COPG1: variants seen among roughly 807,000 people sequenced by gnomAD.
COPG1 encodes the protein coatomer subunit gamma-1.
COPG1 carries 29 observed loss-of-function variants against 102.8 expected under a neutral mutation model. That is an observed-to-expected ratio of 0.28 (90% confidence interval 0.21 to 0.38). COPG1 has a LOEUF of 0.38. COPG1 is among the 10% of genes least tolerant of loss of function. COPG1 has a pLI of 1.00. For missense variants in COPG1, 875 were observed against 1,132.7 expected (o/e 0.77, Z 3.27); for synonymous variants, 406 against 421.6 (o/e 0.96, Z 0.45).
At chr3:129,277,271 T>C in intron 23 of COPG1, 23 bp from the exon 24 acceptor site, 1 of 1,613,120 alleles carries the variant, frequency 6.2e-7, no homozygotes, top group Non-Finnish European at 8.5e-7. Flanking sequence ...TGTATATATC[T>C]GTACTTCTCT....
chr3:129,273,745 G>A (rs1414679178), intron 21 of COPG1, among the ~76,000 whole-genome samples: 1 of 152,210 alleles, frequency 6.6e-6, no homozygotes. Flanking sequence ...CCTAGAAGGA[G>A]AATAGTTGGG....
chr3:129,267,614 C>T (rs1456837541), intron 15 of COPG1, among the ~76,000 whole-genome samples: 6 of 151,464 alleles, frequency 4.0e-5, no homozygotes, highest in African/African-American at 1.5e-4. Flanking sequence ...AGCGAGACTC[C>T]AGCTCAAAAA....
intron 13 of COPG1, among the ~76,000 whole-genome samples, chr3:129,264,454 A>G (rs554884904): frequency 1.3e-5 from 2 of 152,338 alleles, no homozygotes; most frequent in African/African-American, 2.4e-5. Context: ...CTTAGGAGCA[A>G]TAGCAGATGT....
In COPG1 at chr3:129,277,401, A is replaced by G. The variant is rs970761598; in HGVS notation, c.2602A>G (p.Ile868Val). ...AAGTTTGGAGGAGCTGCCAGTAGAC[A>G]TCATCTTGGCATCTGTGGGATAAGA... ...ARSLEELPVD[I>V]ILASVG is the part of the protein sequence containing the mutation. The change falls in exon 24 of 24, where the codon ATC becomes GTC. Residue 868 changes from isoleucine to valine, a missense_variant. Ile to Val is a conservative substitution (Grantham distance 29). Coordinates refer to ENST00000314797, the MANE Select transcript of COPG1 (RefSeq NM_016128.4). 1.9e-6 allele frequency: 3 copies of G among 1,613,940 alleles called. No homozygotes were observed. The highest frequency in any genetic ancestry group is 1.7e-4 in the Middle Eastern group (1 of 6,024).
intron 7 of COPG1, among the ~76,000 whole-genome samples, chr3:129,255,774 G>A (rs1428742113): frequency 1.3e-5 from 2 of 152,120 alleles, no homozygotes; most frequent in African/African-American, 2.4e-5. Flanking sequence ...GTGAGCCACC[G>A]CACCTGGCCA....
At chr3:129,254,789 G>C (rs1172473531) in intron 6 of COPG1, 46 bp downstream of exon 6, 5 of 1,535,304 alleles carry the variant, frequency 3.3e-6, no homozygotes, top group South Asian at 2.3e-5. Context: ...CTTGATTGAG[G>C]CCTCGGCATC....
rs75765157 is a variant in COPG1 at position 129,254,838 on chromosome 3, C to T, written c.399+95C>T. The stretch of plus-strand genomic sequence containing the variant: ...TTTGGGGTGTCCCCTATCACTGAGC[C>T]AGGTGATGTGGGGTGGAGGCAGTGT... On this transcript the variant is annotated intron_variant, in intron 6 of 23. Transcript: ENST00000314797. 6.6e-3 allele frequency: 8,425 copies of T among 1,276,080 alleles called. 386 individuals are homozygous for T. In the African/African-American group the frequency reaches 0.11, roughly 16 times the overall value. The allele number at this position is 1,276,080 out of a possible 1,614,324, so 79.0% of individuals were successfully genotyped here. A position where few individuals can be genotyped will look rare whatever the true frequency, so the allele number is the denominator to read the frequency against.
At chr3:129,268,156 C>T (rs1281655379) in intron 16 of COPG1, 116 bp downstream of exon 16, 3 of 871,666 alleles carry the variant, frequency 3.4e-6, no homozygotes, top group East Asian at 2.6e-5. Context: ...TGCCTGGCAA[C>T]CTCATGGCAT....
intron 19 of COPG1, 154 bp from the exon 20 acceptor site, chr3:129,272,090 C>T (rs958795329): frequency 2.0e-6 from 2 of 981,944 alleles, no homozygotes; most frequent in Admixed American, 2.6e-5. Flanking sequence ...CCATGGCTCC[C>T]GATTGTCAGC....
intron 5 of COPG1, chr3:129,253,196 C>G (rs1939735966): frequency 4.4e-6 from 2 of 454,968 alleles, no homozygotes; most frequent in South Asian, 5.0e-5. Context: ...TCAACCAAAC[C>G]AGCTTAGAAC....
intron 3 of COPG1, 90 bp downstream of exon 3, chr3:129,252,451 A>G: frequency 9.0e-7 from 1 of 1,105,000 alleles, no homozygotes; most frequent in Non-Finnish European, 1.4e-6. Flanking sequence ...GCTATTGGAC[A>G]GCCTCTGTGT....
chr3:129,262,056 T>C (rs1041108964), intron 12 of COPG1, among the ~76,000 whole-genome samples: 3 of 152,178 alleles, frequency 2.0e-5, no homozygotes, highest in Admixed American at 6.5e-5. Context: ...GGCAGCAGTC[T>C]ACTCTGCCTG....
chr3:129,274,609 T>C (rs1193086726), intron 21 of COPG1, among the ~76,000 whole-genome samples: 4 of 152,094 alleles, frequency 2.6e-5, no homozygotes, highest in South Asian at 2.1e-4. Flanking sequence ...AATTAGTAGA[T>C]TGGTACTTGG....
intron 10 of COPG1, 71 bp from the exon 11 acceptor site, chr3:129,260,262 C>T (rs1939899469): frequency 1.4e-5 from 20 of 1,399,914 alleles, no homozygotes; most frequent in Non-Finnish European, 2.0e-5. Flanking sequence ...TGAGTCAGAA[C>T]AGTAGCCCCC....
rs146473762 is a variant in COPG1 at position 129,258,315 on chromosome 3, G to A, written c.871+455G>A. On this transcript the variant is annotated intron_variant, in intron 10 of 23. Coordinates refer to ENST00000314797, the MANE Select transcript of COPG1 (RefSeq NM_016128.4). Reference sequence around the variant, plus strand: ...CCAACTGGGCAAGCCTGGCAAGGCCGCCCATCCTCTCCATGCCTTCCTTTT... The same window carrying A: ...CCAACTGGGCAAGCCTGGCAAGGCCACCCATCCTCTCCATGCCTTCCTTTT... Among the ~76,000 whole-genome samples, 494 of 152,326 alleles carry A rather than the reference G, an allele frequency of 3.2e-3. 2 individuals carry two copies. Among genetic ancestry groups the A allele is most frequent in the Middle Eastern group, 6.8e-3 (2 of 294 alleles).
At chr3:129,257,650 A>G (rs1460372551) in intron 9 of COPG1, 23 bp downstream of exon 9, 1 of 1,614,130 alleles carries the variant, frequency 6.2e-7, no homozygotes, top group Admixed American at 1.7e-5. Flanking sequence ...ATCTCTCACC[A>G]GCTAGATGAT....
chr3:129,269,259 C>T (rs950559380), intron 18 of COPG1, among the ~76,000 whole-genome samples: 1 of 152,084 alleles, frequency 6.6e-6, no homozygotes, highest in Non-Finnish European at 1.5e-5. Context: ...GTTACTGGGC[C>T]TCAATTTGGA....
At position 129,249,655 on chromosome 3, in the gene COPG1, C is replaced by G. The variant is rs1939648679; in HGVS notation, c.-55C>G. Reference sequence around the variant, plus strand: ...GTAGAACCACTGTGGCACCGCTACTCCGTGCCGCGCCCGTCGAGCATTGCG... The same window carrying G: ...GTAGAACCACTGTGGCACCGCTACTGCGTGCCGCGCCCGTCGAGCATTGCG... On this transcript the variant is annotated 5_prime_UTR_variant, in exon 1 of 24. Coordinates refer to ENST00000314797, the MANE Select transcript of COPG1 (RefSeq NM_016128.4). 7 of 1,546,576 alleles carry G rather than the reference C, an allele frequency of 4.5e-6. No individual in the cohort carries two copies. The highest frequency in any genetic ancestry group is 2.0e-5 in the Admixed American group (1 of 50,892).
In COPG1 at chr3:129,257,665, C is replaced by T. The variant is rs1247485507; in HGVS notation, c.737+38C>T. 4 of 1,613,908 alleles carry T rather than the reference C, an allele frequency of 2.5e-6. No homozygotes were observed. The African/African-American group carries it at 5.3e-5, about 22-fold the overall frequency. ...ATCTCTCACCAGCTAGATGATGCCT[C>T]ACTCATCCTACCATGCTGGGCCACC... On this transcript the variant is annotated intron_variant, in intron 9 of 23. Transcript: ENST00000314797.
Sources: allele counts gnomAD v4.1 joint callset (sites outside exome capture counted in the v4.1 genomes callset), GRCh38; gene constraint gnomAD v4.1.1; transcripts MANE v1.5; gene names NCBI Gene and HGNC (gene_info 2026-07-23, HGNC 2026-07-21).